Variants in ARHGEF11 observed in about 807,000 individuals in gnomAD.
The protein encoded by ARHGEF11 is Rho guanine exchange factor (GEF) 11.
A neutral mutation model predicts 193.7 loss-of-function variants in ARHGEF11; 55 were observed. The observed-to-expected ratio is 0.28, with a 90% CI of 0.23 to 0.36. The LOEUF (loss-of-function observed/expected upper bound fraction) is 0.36. ARHGEF11 is among the 10% of genes least tolerant of loss of function. ARHGEF11 has a pLI of 1.00. For missense variants in ARHGEF11, 1,723 were observed against 2,005.6 expected (o/e 0.86, Z 2.69); for synonymous variants, 693 against 768.0 (o/e 0.90, Z 1.62).
At chr1:157,000,050 G>A (rs922174877) in intron 1 of ARHGEF11, among the ~76,000 whole-genome samples, 3 of 152,126 alleles carry the variant, frequency 2.0e-5, no homozygotes, top group Admixed American at 6.6e-5. Flanking sequence ...TGCAACCTTC[G>A]CCTCCCAGGT....
At chr1:157,032,701 C>T (rs1671451688) in intron 1 of ARHGEF11, among the ~76,000 whole-genome samples, 1 of 152,098 alleles carries the variant, frequency 6.6e-6, no homozygotes. Context: ...CATTTCTTCA[C>T]CTCCTATTCT....
At chr1:156,969,581 T>C (rs1662229823) in intron 9 of ARHGEF11, among the ~76,000 whole-genome samples, 1 of 152,200 alleles carries the variant, frequency 6.6e-6, no homozygotes, top group African/African-American at 2.4e-5. Context: ...TCTATGCACC[T>C]GGGCACAGGC....
chr1:156,936,526 A>ATATATATATATAT (rs1655356160), intron 40 of ARHGEF11, among the ~76,000 whole-genome samples: 9 of 132,356 alleles, frequency 6.8e-5, no homozygotes, highest in East Asian at 2.2e-4. Flanking sequence ...ATATATATAT[A>ATATATATATATAT]AAATTAAAAA....
rs755656093 is a variant in ARHGEF11 at position 156,944,338 on chromosome 1, C to T, written c.3067+20G>A. On this transcript the variant is annotated intron_variant, in intron 31 of 40. Transcript: ENST00000368194. The stretch of plus-strand genomic sequence containing the variant: ...CACCCACTACAGGTTCCTGCTCAGT[C>T]CCAGTCCCCTGGCACATACCCAAGG... 1.9e-6 allele frequency: 3 copies of T among 1,610,340 alleles called. No homozygotes were observed. In the African/African-American group the frequency reaches 4.0e-5, roughly 22 times the overall value.
intron 1 of ARHGEF11, among the ~76,000 whole-genome samples, chr1:157,026,771 A>C (rs1670691290): frequency 2.0e-5 from 3 of 152,360 alleles, no homozygotes; most frequent in South Asian, 4.1e-4. Flanking sequence ...TTGTTAAAGC[A>C]CTTTCCAAAA....
chr1:156,970,558 C>G (rs1029652932), intron 8 of ARHGEF11, among the ~76,000 whole-genome samples: 1 of 152,178 alleles, frequency 6.6e-6, no homozygotes, highest in African/African-American at 2.4e-5. Flanking sequence ...GCATGTTACT[C>G]TCATGTTATC....
rs374602048 is a variant in ARHGEF11 at position 157,010,901 on chromosome 1, A to G, written c.33-24728T>C. ...AATGAAAAGACATCCATGTTTACAGAGTGGAAGATTTAAGATAGTTAAGAT... is the reference window on the plus strand; with the variant it reads ...AATGAAAAGACATCCATGTTTACAGGGTGGAAGATTTAAGATAGTTAAGAT... On this transcript the variant is annotated intron_variant, in intron 1 of 40. Coordinates refer to ENST00000368194, the MANE Select transcript of ARHGEF11 (RefSeq NM_198236.3). Among the ~76,000 whole-genome samples, 472 of 152,352 alleles carry G rather than the reference A, an allele frequency of 3.1e-3. 1 individual carries two copies. Among genetic ancestry groups the G allele is most frequent in the African/African-American group, 0.011 (453 of 41,574 alleles).
Position 156,971,343 on chromosome 1 carries a change from G to A in ARHGEF11, c.702+354C>T, listed in dbSNP as rs574414907. ...GGAAAGGGTACCAGATGAAATACTG[G>A]GTAAAACCAGTATAGAAATGTACAT... On this transcript the variant is annotated intron_variant, in intron 8 of 40. Coordinates refer to ENST00000368194, the MANE Select transcript of ARHGEF11 (RefSeq NM_198236.3). Among the ~76,000 whole-genome samples the A allele has an allele frequency of 6.6e-5, 10 of 152,222 alleles. No individual in the cohort carries two copies. The East Asian group carries it at 1.5e-3, about 23-fold the overall frequency.
At chr1:156,946,590 G>A in intron 28 of ARHGEF11, 72 bp downstream of exon 28, 1 of 1,605,800 alleles carries the variant, frequency 6.2e-7, no homozygotes, top group Non-Finnish European at 8.5e-7. Flanking sequence ...TGGCCAGAAG[G>A]AGAGAAGTTC....
intron 1 of ARHGEF11, among the ~76,000 whole-genome samples, chr1:157,028,484 A>G (rs999304259): frequency 1.3e-5 from 2 of 152,176 alleles, no homozygotes; most frequent in Non-Finnish European, 2.9e-5. Flanking sequence ...TCATACCCCT[A>G]ATTACCAGAC....
chr1:156,977,645 C>A (rs1663445919), intron 6 of ARHGEF11, among the ~76,000 whole-genome samples: 1 of 152,150 alleles, frequency 6.6e-6, no homozygotes, highest in Non-Finnish European at 1.5e-5. Context: ...AACTCCTGAG[C>A]TCAAGTGATC....
Position 156,948,746 on chromosome 1 carries a change from T to G in ARHGEF11, c.1926-248A>C. ...ATGGACAGTCATCTTCCTCTGGAGCTATTAGGAAGGGATCCTAACAGGAAG... is the reference window on the plus strand; with the variant it reads ...ATGGACAGTCATCTTCCTCTGGAGCGATTAGGAAGGGATCCTAACAGGAAG... On this transcript the variant is annotated intron_variant, in intron 22 of 40. Coordinates refer to ENST00000368194, the MANE Select transcript of ARHGEF11 (RefSeq NM_198236.3). This position sits in a 1 kb window ranked among gnomAD's most constrained non-coding sequence, Gnocchi z 4.2. The G allele has an allele frequency of 2.1e-6, 3 of 1,452,744 alleles. No homozygotes were observed. The highest frequency in any genetic ancestry group is 2.7e-6 in the Non-Finnish European group (3 of 1,099,478). 90.0% of individuals were successfully genotyped at this position (1,452,744 alleles called of 1,614,324 possible). A position where few individuals can be genotyped will look rare whatever the true frequency, so the allele number is the denominator to read the frequency against.
chr1:157,015,108 C>T (rs1379772300), intron 1 of ARHGEF11, among the ~76,000 whole-genome samples: 2 of 152,182 alleles, frequency 1.3e-5, no homozygotes, highest in African/African-American at 4.8e-5. Context: ...CTTGACTCTT[C>T]CTTTTCTCTG....
chr1:157,011,359 C>T (rs1763913), intron 1 of ARHGEF11, among the ~76,000 whole-genome samples: 148,594 of 152,322 alleles, frequency 0.98, 72,592 homozygotes, highest in Middle Eastern at 1. Flanking sequence ...AAATGGATCA[C>T]TGACCTAACT....
At chr1:156,979,697 A>G (rs918614389) in intron 4 of ARHGEF11, among the ~76,000 whole-genome samples, 4 of 152,140 alleles carry the variant, frequency 2.6e-5, no homozygotes, top group Admixed American at 6.5e-5. Context: ...CCATTTTCCA[A>G]TGCTCTTTAG....
chr1:156,977,308 T>A (rs947482569), intron 6 of ARHGEF11, among the ~76,000 whole-genome samples: 1 of 152,256 alleles, frequency 6.6e-6, no homozygotes, highest in Non-Finnish European at 1.5e-5. Flanking sequence ...TCAGTCTTCA[T>A]TCCAACTGAA....
chr1:156,995,065 C>G (rs1229503197), intron 1 of ARHGEF11, among the ~76,000 whole-genome samples: 1 of 152,142 alleles, frequency 6.6e-6, no homozygotes, highest in Non-Finnish European at 1.5e-5. Context: ...ATATGACCTC[C>G]TAACATTTCT....
intron 1 of ARHGEF11, among the ~76,000 whole-genome samples, chr1:157,037,184 T>C (rs866069): frequency 0.46 from 70,331 of 151,898 alleles, 16,758 homozygotes; most frequent in Middle Eastern, 0.67. Context: ...TGGTTAATTC[T>C]GCTACCAAAA....
At position 156,935,000 on chromosome 1, in the gene ARHGEF11, A is replaced by T. The variant is rs1235957181; in HGVS notation, c.*1000T>A. 1 of 150,058 alleles carries T rather than the reference A, an allele frequency of 6.7e-6. No individual in the cohort carries two copies. The highest frequency in any genetic ancestry group is 2.4e-5 in the African/African-American group (1 of 40,838). 9.3% of individuals were successfully genotyped at this position (150,058 alleles called of 1,614,324 possible). A position where few individuals can be genotyped will look rare whatever the true frequency, so the allele number is the denominator to read the frequency against. ...ATATATATGTATATATACACCTAGC[A>T]CAGTGTGTATATTCTATTCATCAGG... On this transcript the variant is annotated 3_prime_UTR_variant, in exon 41 of 41. Transcript: ENST00000368194.
Sources: gnomAD v4.1 joint callset for allele counts (sites outside exome capture counted in the v4.1 genomes callset) on GRCh38, gnomAD v4.1.1 for gene constraint, Gnocchi (gnomAD v3.1) non-coding constraint, MANE v1.5 for transcripts, NCBI Gene and HGNC (gene_info 2026-07-23, HGNC 2026-07-21) for gene names.